The following CUX1 variants were observed in gnomAD, a reference collection of about 807,000 sequenced individuals.
CUX1 encodes the protein cut like homeobox 1, also known as protein CASP.
A neutral mutation model predicts 158.8 loss-of-function variants in CUX1; 31 were observed. That is an observed-to-expected ratio of 0.20 (90% confidence interval 0.15 to 0.26). The LOEUF is 0.26. Among genes scored for constraint, CUX1 ranks in the 10% least tolerant of loss-of-function variants. The pLI is 1.00. For synonymous variants in CUX1, 879 were observed against 862.1 expected (o/e 1.02, Z -0.34); for missense variants, 1,589 against 2,014.6 (o/e 0.79, Z 4.04).
In CUX1 at chr7:102,204,284, T is replaced by A. The variant is rs1586200986; in HGVS notation, c.2908-107T>A. 25 of 1,417,844 alleles carry A rather than the reference T, an allele frequency of 1.8e-5. No homozygotes were observed. The East Asian group carries it at 5.8e-4, about 33-fold the overall frequency. The allele number at this position is 1,417,844 out of a possible 1,614,324, so 87.8% of individuals were successfully genotyped here. A position where few individuals can be genotyped will look rare whatever the true frequency, so the allele number is the denominator to read the frequency against. On this transcript the variant is annotated intron_variant, in intron 18 of 23. Transcript: ENST00000292535. ...CAGGCCGTGGTTCTGTGCTCAGAAGTCAGCCCTAGACGCGCCCTCTGCGTG... is the reference window on the plus strand; with the variant it reads ...CAGGCCGTGGTTCTGTGCTCAGAAGACAGCCCTAGACGCGCCCTCTGCGTG...
chr7:102,040,289 A>T (rs1431603144), intron 3 of CUX1, among the ~76,000 whole-genome samples: 1 of 152,192 alleles, frequency 6.6e-6, no homozygotes, highest in Admixed American at 6.5e-5. Flanking sequence ...ATGACGGAAC[A>T]TCAGAGGAAA....
chr7:101,839,856 G>C (rs2131141645), intron 1 of CUX1, among the ~76,000 whole-genome samples: 1 of 152,214 alleles, frequency 6.6e-6, no homozygotes, highest in Admixed American at 6.5e-5. Flanking sequence ...CTGCCACCTG[G>C]GTTCAAGCGA....
At chr7:101,995,402 C>T (rs1563105911) in intron 2 of CUX1, among the ~76,000 whole-genome samples, 3 of 152,220 alleles carry the variant, frequency 2.0e-5, no homozygotes, top group Non-Finnish European at 4.4e-5. Flanking sequence ...GTCTCTATCC[C>T]TCCTTCTTAT....
rs2132040875 is a variant in CUX1, at chr7:102,202,114, G to A, written c.2817G>A (p.Met939Ile). Residue 939 changes from methionine (M) to isoleucine (I), a missense_variant, in exon 18 of 24, where the codon ATG (methionine) becomes ATA (isoleucine). Transcript: ENST00000292535. ...PLTPEQYEVYMYQEVDTIELT... is the reference protein window; with the variant it reads ...PLTPEQYEVYIYQEVDTIELT... The stretch of plus-strand genomic sequence containing the variant: ...CCCCCGAGCAGTACGAGGTCTACAT[G>A]TACCAGGAGGTGGACACCATCGAGC... 1.2e-6 allele frequency: 2 copies of A among 1,614,142 alleles called. No individual in the cohort carries two copies. The highest frequency in any genetic ancestry group is 2.2e-5 in the East Asian group (1 of 44,868).
intron 1 of CUX1, chr7:101,913,516 G>A (rs1803754860): frequency 1.2e-6 from 1 of 817,446 alleles, no homozygotes; most frequent in Non-Finnish European, 1.6e-6. Context: ...TCAGCCCAGG[G>A]AGGGGCAGGT....
intron 1 of CUX1, among the ~76,000 whole-genome samples, chr7:101,855,660 A>G (rs2131307676): frequency 6.6e-6 from 1 of 152,162 alleles, no homozygotes; most frequent in East Asian, 1.9e-4. Flanking sequence ...CGGGTGGATC[A>G]CGAGGTCAGG....
chr7:101,831,357 C>G (rs1160771051), intron 1 of CUX1, among the ~76,000 whole-genome samples: 1 of 151,446 alleles, frequency 6.6e-6, no homozygotes, highest in Non-Finnish European at 1.5e-5. Context: ...GTGGTGCAAT[C>G]TCGGCTCACT....
intron 2 of CUX1, among the ~76,000 whole-genome samples, chr7:101,984,105 T>TATATATATATATATATATATATATAC (rs1261557566): frequency 2.9e-5 from 1 of 34,126 alleles, no homozygotes; most frequent in African/African-American, 1.1e-4. Flanking sequence ...TATATATATA[T>TATATATATATATATATATATATATAC]ATATATATAT....
At chr7:102,039,680 G>A (rs1821841329) in intron 3 of CUX1, among the ~76,000 whole-genome samples, 2 of 145,550 alleles carry the variant, frequency 1.4e-5, no homozygotes, top group African/African-American at 2.6e-5. Flanking sequence ...AAAAAAAAAA[G>A]ATTGATGTTC....
Position 101,916,107 on chromosome 7 carries a change from C to T in CUX1, c.31-8C>T, listed in dbSNP as rs760459978. On this transcript the variant is annotated splice_region_variant and splice_polypyrimidine_tract_variant and intron_variant, in intron 1 of 23. Coordinates refer to ENST00000292535, the MANE Select transcript of CUX1 (RefSeq NM_181552.4). This position sits in a 1 kb window ranked among gnomAD's most constrained non-coding sequence, Gnocchi z 4.4. ...AATCTCACTTTTCCTTTCCTGTTTC[C>T]CCAACAGAGAGAACTCGATGCCACC... The T allele has an allele frequency of 2.5e-6, 4 of 1,601,258 alleles. No individual in the cohort carries two copies. The East Asian group carries it at 6.7e-5, about 27-fold the overall frequency.
At chr7:102,101,629 G>C (rs1434736628) in intron 5 of CUX1, among the ~76,000 whole-genome samples, 1 of 152,184 alleles carries the variant, frequency 6.6e-6, no homozygotes. Flanking sequence ...CAAAAATGAG[G>C]CCAGGCATGG....
intron 2 of CUX1, among the ~76,000 whole-genome samples, chr7:102,023,702 C>T (rs958491363): frequency 6.6e-5 from 10 of 152,132 alleles, no homozygotes; most frequent in Non-Finnish European, 8.8e-5. Flanking sequence ...AGAATTGGAT[C>T]GGGAATTTCT....
At chr7:102,175,422 C>T (rs1792205047) in intron 10 of CUX1, among the ~76,000 whole-genome samples, 1 of 152,146 alleles carries the variant, frequency 6.6e-6, no homozygotes, top group Admixed American at 6.5e-5. Flanking sequence ...TCAACCTGTG[C>T]CCAGACTGAC....
chr7:102,073,834 A>G (rs963913923), intron 4 of CUX1, among the ~76,000 whole-genome samples: 1 of 152,204 alleles, frequency 6.6e-6, no homozygotes, highest in African/African-American at 2.4e-5. Flanking sequence ...TGGCCAGAGA[A>G]TTGAAGTTTG....
Position 102,082,429 on chromosome 7 carries a change from C to T in CUX1, c.268+12012C>T, listed in dbSNP as rs1465385399. Among the ~76,000 whole-genome samples the T allele has an allele frequency of 2.7e-5, 4 of 146,572 alleles. 1 individual carries two copies. Among genetic ancestry groups the T allele is most frequent in the Non-Finnish European group, 3.1e-5 (2 of 64,898 alleles). Reference sequence around the variant, plus strand: ...TAATCCCAGCTACTCAGGAGGCTGACGCAGGAGAATTACTTGAACCCAGGA... The same window carrying T: ...TAATCCCAGCTACTCAGGAGGCTGATGCAGGAGAATTACTTGAACCCAGGA... On this transcript the variant is annotated intron_variant, in intron 4 of 23. Coordinates refer to ENST00000292535, the MANE Select transcript of CUX1 (RefSeq NM_181552.4).
rs975037841 is a variant in CUX1, at chr7:101,849,980, G to A, written c.30+32311G>A. On this transcript the variant is annotated intron_variant, in intron 1 of 23. Transcript: ENST00000292535. The stretch of plus-strand genomic sequence containing the variant: ...GTCGCCCAGGCTGGAGTGCAGTGGC[G>A]CGATCTAGATCTTGGCTCACTGCAA... Among the ~76,000 whole-genome samples, 8 of 146,626 alleles carry A rather than the reference G, an allele frequency of 5.5e-5. No individual in the cohort carries two copies. The South Asian group carries it at 1.3e-3, about 24-fold the overall frequency.
intron 2 of CUX1, among the ~76,000 whole-genome samples, chr7:101,994,820 T>TG (rs1417441445): frequency 1.3e-5 from 2 of 149,818 alleles, no homozygotes; most frequent in African/African-American, 4.9e-5. Context: ...CCAGGCACGG[T>TG]GGCTTATGTC....
intron 2 of CUX1, among the ~76,000 whole-genome samples, chr7:102,013,898 T>A (rs1192259550): frequency 1.3e-5 from 2 of 151,776 alleles, no homozygotes; most frequent in East Asian, 1.9e-4. Flanking sequence ...AGAGACAGGG[T>A]CTCGCCATGT....
intron 1 of CUX1, among the ~76,000 whole-genome samples, chr7:101,868,239 C>T (rs574139678): frequency 6.6e-6 from 1 of 152,246 alleles, no homozygotes; most frequent in East Asian, 1.9e-4. Flanking sequence ...TATCTGGGGA[C>T]CCGAGTTTCC....
Sources: allele counts gnomAD v4.1 joint callset (sites outside exome capture counted in the v4.1 genomes callset), GRCh38; gene constraint gnomAD v4.1.1; non-coding constraint Gnocchi (gnomAD v3.1); transcripts MANE v1.5; gene names NCBI Gene and HGNC (gene_info 2026-07-23, HGNC 2026-07-21).